Variants in IL1RAPL1 observed in about 807,000 individuals in gnomAD.
IL1RAPL1 encodes the protein interleukin 1 receptor accessory protein like 1.
A neutral mutation model predicts 48.4 loss-of-function variants in IL1RAPL1; 3 were observed. That is an observed-to-expected ratio of 0.06 (90% CI 0.03 to 0.16). The LOEUF (loss-of-function observed/expected upper bound fraction) is 0.16, where lower values mean the gene tolerates loss of function less well. Among genes scored for constraint, IL1RAPL1 ranks in the 10% least tolerant of loss-of-function variants. The pLI, the probability that IL1RAPL1 is intolerant of heterozygous loss-of-function variation, is 1.00. For synonymous variants in IL1RAPL1, 185 were observed against 187.7 expected (o/e 0.99, Z 0.12); for missense variants, 349 against 530.6 (o/e 0.66, Z 3.36).
chrX:29,203,183 A>G (rs1346131652), intron 2 of IL1RAPL1, among the ~76,000 whole-genome samples: 1 of 111,312 alleles, frequency 9.0e-6, no homozygotes, highest in Non-Finnish European at 1.9e-5. Context: ...TGATTGGACC[A>G]TCTATATGTG....
At chrX:29,838,160 G>A (rs1047591772) in intron 6 of IL1RAPL1, among the ~76,000 whole-genome samples, 3 of 111,957 alleles carry the variant, frequency 2.7e-5, no homozygotes, top group Non-Finnish European at 5.6e-5. Flanking sequence ...GCAGAAGTGT[G>A]GGGTTCAGAA....
At chrX:28,775,205 T>C (rs1487521249) in intron 1 of IL1RAPL1, among the ~76,000 whole-genome samples, 1 of 111,841 alleles carries the variant, frequency 8.9e-6, no homozygotes, top group Non-Finnish European at 1.9e-5. Flanking sequence ...CAGGGTAGCT[T>C]GAAAAAGCAG....
At chrX:29,405,086 G>A (rs1433868756) in intron 5 of IL1RAPL1, among the ~76,000 whole-genome samples, 1 of 109,292 alleles carries the variant, frequency 9.1e-6, no homozygotes, top group Non-Finnish European at 1.9e-5. Flanking sequence ...GCTAATTTTT[G>A]TATTCTTAGT....
intron 6 of IL1RAPL1, among the ~76,000 whole-genome samples, chrX:29,823,045 A>G (rs1930654610): frequency 1.8e-5 from 2 of 112,157 alleles, no homozygotes; most frequent in African/African-American, 6.5e-5. Flanking sequence ...CATAGTCTCC[A>G]ATGTAAAGGA....
intron 1 of IL1RAPL1, among the ~76,000 whole-genome samples, chrX:28,712,886 A>C (rs749761875): frequency 9.0e-6 from 1 of 111,419 alleles, no homozygotes; most frequent in Admixed American, 9.6e-5. Flanking sequence ...CCCACAAAAT[A>C]ATATAAAAAT....
At chrX:29,501,354 G>C (rs1327011613) in intron 5 of IL1RAPL1, among the ~76,000 whole-genome samples, 2 of 111,221 alleles carry the variant, frequency 1.8e-5, no homozygotes, top group Non-Finnish European at 3.8e-5. Context: ...CTGGGCTTTT[G>C]AGGTCTCACA....
intron 2 of IL1RAPL1, among the ~76,000 whole-genome samples, chrX:28,957,284 A>G (rs1484278673): frequency 8.9e-6 from 1 of 111,892 alleles, no homozygotes; most frequent in Admixed American, 9.5e-5. Context: ...AAAGTATAAT[A>G]ATAAAAGAAA....
At chrX:29,359,036 A>G (rs1290269428) in intron 3 of IL1RAPL1, among the ~76,000 whole-genome samples, 1 of 111,014 alleles carries the variant, frequency 9.0e-6, no homozygotes, top group Non-Finnish European at 1.9e-5. Flanking sequence ...AAAAAAAACA[A>G]CAATGTAATA....
chrX:29,481,215 GTATAGAAGATA>G (rs1935039206), intron 5 of IL1RAPL1, among the ~76,000 whole-genome samples: 2 of 112,791 alleles, frequency 1.8e-5, no homozygotes, highest in Non-Finnish European at 3.7e-5. Context: ...TTGAGGCTTA[GTATAGAAGATA>G]TATTGACAAA....
chrX:29,490,980 G>T (rs1051859961), intron 5 of IL1RAPL1, among the ~76,000 whole-genome samples: 7 of 110,738 alleles, frequency 6.3e-5, no homozygotes, highest in Non-Finnish European at 1.1e-4. Context: ...TGTGGTTGTT[G>T]TATTTTCATC....
intron 6 of IL1RAPL1, among the ~76,000 whole-genome samples, chrX:29,774,180 T>A (rs1164196683): frequency 9.6e-6 from 1 of 103,764 alleles, no homozygotes; most frequent in Non-Finnish European, 2.0e-5. Context: ...AATGGTTTAG[T>A]CAGGTAAATA....
rs758356286 is a variant in IL1RAPL1 at position 29,491,793 on chromosome X, A to T, written c.703+92485A>T. Among the ~76,000 whole-genome samples the T allele has an allele frequency of 8.1e-5, 9 of 111,102 alleles. No individual in the cohort carries two copies. The South Asian group carries it at 3.0e-3, about 37-fold the overall frequency. ...TGAAAAGTTTTATTTTCTACTAATG[A>T]TGGCCAAAATGGGAGCATTCTAGAT... is the stretch of plus-strand genomic sequence containing the variant. On this transcript the variant is annotated intron_variant, in intron 5 of 10. Transcript: ENST00000378993.
intron 6 of IL1RAPL1, among the ~76,000 whole-genome samples, chrX:29,886,027 T>C (rs981209513): frequency 8.9e-6 from 1 of 111,806 alleles, no homozygotes; most frequent in African/African-American, 3.3e-5. Context: ...CTTCCTATAT[T>C]ACAGAAGTAA....
intron 1 of IL1RAPL1, among the ~76,000 whole-genome samples, chrX:28,630,794 G>A (rs1049763638): frequency 8.9e-5 from 10 of 111,948 alleles, no homozygotes; most frequent in African/African-American, 2.6e-4. Context: ...AATATACATC[G>A]ATATATTATG....
intron 5 of IL1RAPL1, among the ~76,000 whole-genome samples, chrX:29,439,990 CGTGTGTGTGTGTGTGT>C (rs60967823): frequency 2.1e-5 from 2 of 96,783 alleles, no homozygotes; most frequent in Non-Finnish European, 4.2e-5. Flanking sequence ...CAATTTGACA[CGTGTGTGTGTGTGTGT>C]GTGTGTGTGT....
chrX:29,000,026 C>T (rs758392065), intron 2 of IL1RAPL1, among the ~76,000 whole-genome samples: 3 of 111,400 alleles, frequency 2.7e-5, no homozygotes, highest in Non-Finnish European at 5.7e-5. Flanking sequence ...GAGTCTGCTG[C>T]TCTTAAGGAA....
chrX:29,029,024 A>G (rs1926556162), intron 2 of IL1RAPL1, among the ~76,000 whole-genome samples: 1 of 111,776 alleles, frequency 8.9e-6, no homozygotes, highest in South Asian at 3.7e-4. Flanking sequence ...ACTTACGATC[A>G]TGGTGGAAGG....
At chrX:28,689,177 CA>C (rs1935146749) in intron 1 of IL1RAPL1, among the ~76,000 whole-genome samples, 1 of 110,788 alleles carries the variant, frequency 9.0e-6, no homozygotes, top group Admixed American at 9.6e-5. Context: ...TTGCTGCCCC[CA>C]TGTTATGGTT....
chrX:29,095,089 C>A lies in IL1RAPL1; in HGVS notation c.83-187849C>A, dbSNP rs184626384. On this transcript the variant is annotated intron_variant, in intron 2 of 10. Coordinates refer to ENST00000378993, the MANE Select transcript of IL1RAPL1 (RefSeq NM_014271.4). Reference sequence around the variant, plus strand: ...TTATTTTTAGTATAGACAAAGTATTCTTGCTTCCCCAACAAGATATGGAAA... The same window carrying A: ...TTATTTTTAGTATAGACAAAGTATTATTGCTTCCCCAACAAGATATGGAAA... 2.2e-3 allele frequency among the ~76,000 whole-genome samples: 248 copies of A among 110,432 alleles called. 3 individuals are homozygous for A. Among genetic ancestry groups the A allele is most frequent in the Admixed American group, 0.021 (218 of 10,239 alleles).
Sources: gnomAD v4.1 joint callset for allele counts (sites outside exome capture counted in the v4.1 genomes callset) on GRCh38, gnomAD v4.1.1 for gene constraint, MANE v1.5 for transcripts, NCBI Gene and HGNC (gene_info 2026-07-23, HGNC 2026-07-21) for gene names.